The following FBXL7 variants were observed in gnomAD, a reference collection of about 807,000 sequenced individuals.
FBXL7 encodes F-box/LRR-repeat protein 7.
In FBXL7, 12 loss-of-function variants were observed where a neutral mutation model predicts 38.3. The ratio of observed to expected loss-of-function variants is 0.31; its 90% CI spans 0.20 to 0.51. The LOEUF is 0.51. FBXL7 is among the 20% of genes least tolerant of loss of function. The pLI is 0.98. For synonymous variants in FBXL7, 297 were observed against 300.9 expected (o/e 0.99, Z 0.13); for missense variants, 567 against 676.4 (o/e 0.84, Z 1.79).
intron 2 of FBXL7, among the ~76,000 whole-genome samples, chr5:15,873,990 C>A (rs1001490236): frequency 9.2e-5 from 14 of 152,140 alleles, no homozygotes; most frequent in Admixed American, 7.9e-4. Flanking sequence ...AGGCCAATAT[C>A]CCTGATGAAG....
intron 2 of FBXL7, among the ~76,000 whole-genome samples, chr5:15,646,678 C>T (rs998296630): frequency 2.0e-5 from 3 of 152,122 alleles, no homozygotes; most frequent in Admixed American, 6.5e-5. Flanking sequence ...TTGCAATCCC[C>T]TAAATTCTCG....
chr5:15,555,168 A>T (rs1207494187), intron 1 of FBXL7, among the ~76,000 whole-genome samples: 1 of 152,244 alleles, frequency 6.6e-6, no homozygotes, highest in Non-Finnish European at 1.5e-5. Context: ...TTAAACACAC[A>T]AACTCACACA....
At chr5:15,820,192 C>A (rs745945431) in intron 2 of FBXL7, among the ~76,000 whole-genome samples, 100 of 152,300 alleles carry the variant, frequency 6.6e-4, no homozygotes, top group African/African-American at 2.3e-3. Context: ...CTGCCCAGGC[C>A]TCTTGTGGGC....
intron 2 of FBXL7, among the ~76,000 whole-genome samples, chr5:15,796,809 T>C (rs1737428719): frequency 6.6e-6 from 1 of 152,118 alleles, no homozygotes; most frequent in Non-Finnish European, 1.5e-5. Flanking sequence ...AGGTATTGAT[T>C]AGGTTGGCCA....
intron 1 of FBXL7, among the ~76,000 whole-genome samples, chr5:15,597,461 A>G (rs911124223): frequency 2.7e-5 from 4 of 149,810 alleles, no homozygotes; most frequent in Non-Finnish European, 5.9e-5. Context: ...CAAACCATAT[A>G]TGTGAAAATA....
chr5:15,814,108 C>T (rs940260771), intron 2 of FBXL7, among the ~76,000 whole-genome samples: 1 of 152,124 alleles, frequency 6.6e-6, no homozygotes, highest in African/African-American at 2.4e-5. Context: ...AATCATTCTA[C>T]TATAATGACA....
chr5:15,680,131 C>T (rs1742796361), intron 2 of FBXL7, among the ~76,000 whole-genome samples: 1 of 152,104 alleles, frequency 6.6e-6, no homozygotes, highest in African/African-American at 2.4e-5. Flanking sequence ...TCATTAAAAC[C>T]ACTGAAGGCA....
At chr5:15,639,781 A>G (rs1361976553) in intron 2 of FBXL7, among the ~76,000 whole-genome samples, 2 of 151,692 alleles carry the variant, frequency 1.3e-5, no homozygotes, top group East Asian at 3.9e-4. Context: ...ATTATTCTTA[A>G]TAAGTTACAA....
At chr5:15,545,055 C>A (rs1737861609) in intron 1 of FBXL7, among the ~76,000 whole-genome samples, 1 of 152,220 alleles carries the variant, frequency 6.6e-6, no homozygotes, top group East Asian at 1.9e-4. Flanking sequence ...AGTGGAGGTG[C>A]TGTCTCCCTG....
chr5:15,526,303 T>C (rs1405064728), intron 1 of FBXL7, among the ~76,000 whole-genome samples: 1 of 152,012 alleles, frequency 6.6e-6, no homozygotes, highest in Non-Finnish European at 1.5e-5. Flanking sequence ...GCATGGAGGA[T>C]ATGAGAAGAG....
intron 1 of FBXL7, among the ~76,000 whole-genome samples, chr5:15,547,487 C>T (rs1737946457): frequency 6.6e-6 from 1 of 152,112 alleles, no homozygotes; most frequent in Admixed American, 6.5e-5. Flanking sequence ...GACAGGACAC[C>T]CCCACACACA....
rs904732202 is a variant in FBXL7 at position 15,544,250 on chromosome 5, A to C, written c.37+43537A>C. On this transcript the variant is annotated intron_variant, in intron 1 of 3. Coordinates refer to ENST00000504595, the MANE Select transcript of FBXL7 (RefSeq NM_012304.5). ...GAATTCTTTTCTTGGCAAAGCCAAGAACCTGCCTGGGCTAAGCCCCAATTC... is the reference window on the plus strand; with the variant it reads ...GAATTCTTTTCTTGGCAAAGCCAAGCACCTGCCTGGGCTAAGCCCCAATTC... Among the ~76,000 whole-genome samples the C allele has an allele frequency of 1.8e-4, 27 of 152,128 alleles. 1 individual carries two copies. Among genetic ancestry groups the C allele is most frequent in the African/African-American group, 6.5e-4 (27 of 41,430 alleles).
At chr5:15,652,336 G>A (rs187117288) in intron 2 of FBXL7, among the ~76,000 whole-genome samples, 2 of 151,960 alleles carry the variant, frequency 1.3e-5, no homozygotes, top group African/African-American at 2.4e-5. Flanking sequence ...GCGTGATCTC[G>A]GCTCACTGCA....
intron 1 of FBXL7, among the ~76,000 whole-genome samples, chr5:15,578,790 C>T (rs944632617): frequency 2.0e-5 from 3 of 152,222 alleles, no homozygotes; most frequent in Admixed American, 6.5e-5. Flanking sequence ...CCTGTCTCAT[C>T]CCATAGCCCT....
At chr5:15,578,536 C>T (rs951958425) in intron 1 of FBXL7, among the ~76,000 whole-genome samples, 5 of 152,096 alleles carry the variant, frequency 3.3e-5, no homozygotes, top group African/African-American at 1.2e-4. Context: ...TAGATATGGC[C>T]TCAGGTGTGG....
chr5:15,509,383 T>C (rs999196562), intron 1 of FBXL7, among the ~76,000 whole-genome samples: 2 of 152,306 alleles, frequency 1.3e-5, no homozygotes, highest in East Asian at 1.9e-4. Context: ...CAGAGTCTAA[T>C]TGAGAAGCTA....
intron 2 of FBXL7, among the ~76,000 whole-genome samples, chr5:15,722,345 T>A (rs116497634): frequency 2.0e-5 from 3 of 152,260 alleles, no homozygotes; most frequent in African/African-American, 7.2e-5. Context: ...ACCTATATTG[T>A]CCTATACTGA....
At chr5:15,523,778 C>G (rs1737173458) in intron 1 of FBXL7, among the ~76,000 whole-genome samples, 1 of 152,184 alleles carries the variant, frequency 6.6e-6, no homozygotes, top group South Asian at 2.1e-4. Context: ...CAGACGTAGA[C>G]ATCATTTCCA....
chr5:15,696,258 A>G (rs780639501), intron 2 of FBXL7, among the ~76,000 whole-genome samples: 24 of 152,104 alleles, frequency 1.6e-4, no homozygotes, highest in Non-Finnish European at 3.2e-4. Flanking sequence ...TTAAGTAAAT[A>G]CCATTTAGGA....
Sources: allele counts gnomAD v4.1 joint callset (sites outside exome capture counted in the v4.1 genomes callset), GRCh38; gene constraint gnomAD v4.1.1; transcripts MANE v1.5; gene names NCBI Gene and HGNC (gene_info 2026-07-23, HGNC 2026-07-21).